Variants in ARHGEF7 observed in about 807,000 individuals in gnomAD.
ARHGEF7 encodes Rho guanine nucleotide exchange factor 7.
Under a neutral mutation model 109.8 loss-of-function variants are expected in ARHGEF7, and 33 were observed. The ratio of observed to expected loss-of-function variants is 0.30; its 90% confidence interval spans 0.23 to 0.40. The LOEUF (loss-of-function observed/expected upper bound fraction) is 0.40. ARHGEF7 is among the 10% of genes least tolerant of loss of function. ARHGEF7 has a pLI of 1.00. For missense variants in ARHGEF7, 938 were observed against 1,098.5 expected (o/e 0.85, Z 2.07); for synonymous variants, 458 against 424.6 (o/e 1.08, Z -0.97).
At chr13:111,164,456 G>A (rs2076973934) in intron 2 of ARHGEF7, among the ~76,000 whole-genome samples, 1 of 152,236 alleles carries the variant, frequency 6.6e-6, no homozygotes, top group African/African-American at 2.4e-5. Flanking sequence ...GACAGGGCCT[G>A]CCTCGTGGGT....
chr13:111,154,072 AC>A lies in ARHGEF7; in HGVS notation c.252+83del, dbSNP rs1356460398. On this transcript the variant is annotated intron_variant, in intron 2 of 21. Coordinates refer to ENST00000646102, the MANE Select transcript of ARHGEF7 (RefSeq NM_001354046.2). ...GGGGTGGGTGCTTCGCTCCAGCCGG[AC>A]CTCCTGCCTCCTCCGCGCCCGGATC... 2.9e-6 allele frequency: 4 copies of A among 1,357,518 alleles called. No homozygotes were observed. In the African/African-American group the frequency reaches 6.1e-5, roughly 21 times the overall value. The allele number at this position is 1,357,518 out of a possible 1,614,324, so 84.1% of individuals were successfully genotyped here.
At chr13:111,245,624 G>T (rs1335088083) in intron 8 of ARHGEF7, among the ~76,000 whole-genome samples, 1 of 152,052 alleles carries the variant, frequency 6.6e-6, no homozygotes, top group African/African-American at 2.4e-5. Context: ...CGGCCACTAC[G>T]CTCCTCACCT....
chr13:111,260,500 A>G (rs575343379), intron 8 of ARHGEF7, among the ~76,000 whole-genome samples: 1 of 152,360 alleles, frequency 6.6e-6, no homozygotes, highest in East Asian at 1.9e-4. Flanking sequence ...TTATCCTAGG[A>G]TAGTATATCT....
In ARHGEF7 at chr13:111,234,164, T is replaced by C. The variant is rs570321461; in HGVS notation, c.759+871T>C. On this transcript the variant is annotated intron_variant, in intron 6 of 21. Transcript: ENST00000646102. ...ACCCACGAGACCTTTGAATTGTTGG[T>C]GTGAAACAGCAGTTGATTGGTGTTT... Among the ~76,000 whole-genome samples the C allele has an allele frequency of 1.2e-4, 18 of 152,322 alleles. 1 individual carries two copies. Among genetic ancestry groups the C allele is most frequent in the African/African-American group, 3.8e-4 (16 of 41,576 alleles).
intron 19 of ARHGEF7, among the ~76,000 whole-genome samples, chr13:111,298,694 C>A (rs1013317689): frequency 3.9e-5 from 6 of 152,234 alleles, no homozygotes. Flanking sequence ...AGACATAGGT[C>A]ACCGTGTGTG....
At chr13:111,159,883 C>T (rs2076617496) in intron 2 of ARHGEF7, among the ~76,000 whole-genome samples, 1 of 151,984 alleles carries the variant, frequency 6.6e-6, no homozygotes, top group South Asian at 2.1e-4. Flanking sequence ...CTTATTTTTG[C>T]CTCTGTTTTC....
At chr13:111,178,278 G>T (rs1042272593) in intron 2 of ARHGEF7, among the ~76,000 whole-genome samples, 1 of 152,166 alleles carries the variant, frequency 6.6e-6, no homozygotes, top group Non-Finnish European at 1.5e-5. Flanking sequence ...TTCCCAGTGA[G>T]TAATTACAAA....
rs76870670 is a variant in ARHGEF7 at position 111,124,208 on chromosome 13, T to A, written c.165+8517T>A. On this transcript the variant is annotated intron_variant, in intron 1 of 21. Transcript: ENST00000646102. ...CTGCATTCACTGTCTCTGTTTCCTCTGAGTCCTCTTATGCAATTCTTTTTT... is the reference window on the plus strand; with the variant it reads ...CTGCATTCACTGTCTCTGTTTCCTCAGAGTCCTCTTATGCAATTCTTTTTT... Among the ~76,000 whole-genome samples, 30 of 152,368 alleles carry A rather than the reference T, an allele frequency of 2.0e-4. No individual in the cohort carries two copies. The East Asian group carries it at 5.6e-3, about 28-fold the overall frequency.
At chr13:111,147,180 T>C (rs977734574) in intron 1 of ARHGEF7, among the ~76,000 whole-genome samples, 3 of 152,234 alleles carry the variant, frequency 2.0e-5, no homozygotes, top group African/African-American at 7.2e-5. Flanking sequence ...TGGCTTTCAG[T>C]GGACCTATGC....
At chr13:111,269,401 C>G (rs2091952058) in intron 9 of ARHGEF7, among the ~76,000 whole-genome samples, 1 of 152,176 alleles carries the variant, frequency 6.6e-6, no homozygotes, top group African/African-American at 2.4e-5. Flanking sequence ...TGTTAGTTTC[C>G]TAAAATGCGA....
intron 1 of ARHGEF7, 170 bp from the exon 2 acceptor site, chr13:111,153,735 G>A: frequency 7.5e-7 from 1 of 1,336,988 alleles, no homozygotes; most frequent in Non-Finnish European, 9.5e-7. Flanking sequence ...AGGAGAAGCA[G>A]CGGCTGAGCG....
At chr13:111,291,058 A>AG (rs1347319900) in intron 18 of ARHGEF7, among the ~76,000 whole-genome samples, 1 of 152,256 alleles carries the variant, frequency 6.6e-6, no homozygotes, top group Non-Finnish European at 1.5e-5. Flanking sequence ...TTCTAACTCC[A>AG]GGAAGTAACG....
At chr13:111,167,924 A>G (rs2077258851) in intron 2 of ARHGEF7, among the ~76,000 whole-genome samples, 1 of 152,250 alleles carries the variant, frequency 6.6e-6, no homozygotes, top group Admixed American at 6.5e-5. Context: ...ACAGAACACC[A>G]GAGCCACCCC....
chr13:111,280,323 A>G lies in ARHGEF7; in HGVS notation c.1558A>G (p.Asn520Asp), dbSNP rs562643224. 6 of 1,613,782 alleles carry G rather than the reference A, an allele frequency of 3.7e-6. No homozygotes were observed. In the East Asian group the frequency reaches 1.1e-4, roughly 30 times the overall value. Residue 520 changes from asparagine (N) to aspartate (D), a missense_variant, in exon 14 of 22, where the codon AAT becomes GAT. By Grantham distance (23) the Asn-to-Asp change is conservative (BLOSUM62 1). This residue lies in a region of ARHGEF7 where 585 missense variants were observed against 723.6 expected (regional missense o/e 0.81). Transcript: ENST00000646102. Reference protein sequence around the residue: ...MTITKLEDSENHRNAFEISGS... With the variant: ...MTITKLEDSEDHRNAFEISGS... ...AATCACAAAGCTTGAGGACAGTGAA[A>G]ATCATAGAAATGCATTTGAAATATC...
intron 19 of ARHGEF7, chr13:111,294,288 C>T (rs187706174): frequency 2.4e-5 from 24 of 985,408 alleles, no homozygotes; most frequent in East Asian, 2.3e-4. Context: ...TTGTTTGCCT[C>T]GAGACTACTC....
intron 2 of ARHGEF7, among the ~76,000 whole-genome samples, chr13:111,174,728 C>T (rs143183060): frequency 6.6e-5 from 10 of 152,328 alleles, no homozygotes; most frequent in Admixed American, 3.3e-4. Flanking sequence ...GTCCACACCC[C>T]GTGCCTCAGC....
At chr13:111,183,143 T>G (rs1206889153) in intron 2 of ARHGEF7, among the ~76,000 whole-genome samples, 1 of 152,158 alleles carries the variant, frequency 6.6e-6, no homozygotes, top group Non-Finnish European at 1.5e-5. Flanking sequence ...AAGGTGTAAA[T>G]AGTCAAGAGT....
intron 2 of ARHGEF7, among the ~76,000 whole-genome samples, chr13:111,161,242 C>A (rs2076717616): frequency 6.6e-6 from 1 of 152,200 alleles, no homozygotes; most frequent in South Asian, 2.1e-4. Flanking sequence ...ACACTCACAG[C>A]TAGTAATTGT....
chr13:111,268,168 A>G (rs1389197714), intron 9 of ARHGEF7, among the ~76,000 whole-genome samples: 1 of 152,224 alleles, frequency 6.6e-6, no homozygotes, highest in Non-Finnish European at 1.5e-5. Context: ...GAAGCAAGAC[A>G]GTGTCTGCTT....
Sources: allele counts gnomAD v4.1 joint callset (sites outside exome capture counted in the v4.1 genomes callset), GRCh38; gene constraint gnomAD v4.1.1; regional missense constraint gnomAD v4.1.1; transcripts MANE v1.5; gene names NCBI Gene and HGNC (gene_info 2026-07-23, HGNC 2026-07-21).